Variants in MYO3A observed in about 807,000 individuals in gnomAD.
MYO3A encodes myosin IIIA.
Under a neutral mutation model 192.7 loss-of-function variants are expected in MYO3A, and 180 were observed. The ratio of observed to expected loss-of-function variants is 0.93; its 90% CI spans 0.83 to 1.06. MYO3A has a LOEUF of 1.06. Among genes scored for constraint, MYO3A ranks in the 50% least tolerant of loss-of-function variants. MYO3A has a pLI of 0.00. For missense variants in MYO3A, 1,896 were observed against 1,905.0 expected (o/e 1.00, Z 0.09); for synonymous variants, 628 against 645.3 (o/e 0.97, Z 0.41).
intron 8 of MYO3A, chr10:26,021,930 A>G (rs1476098210): frequency 7.1e-6 from 3 of 420,858 alleles, no homozygotes; most frequent in Non-Finnish European, 1.3e-5. Flanking sequence ...CCCTTTATCC[A>G]TTCCCCAATG....
intron 10 of MYO3A, among the ~76,000 whole-genome samples, chr10:26,037,805 G>C (rs908442655): frequency 6.8e-6 from 1 of 147,360 alleles, no homozygotes; most frequent in Non-Finnish European, 1.5e-5. Context: ...TTCACATGGC[G>C]TCAGGAGTGA....
At chr10:25,963,134 T>G (rs1035311122) in intron 4 of MYO3A, among the ~76,000 whole-genome samples, 5 of 152,202 alleles carry the variant, frequency 3.3e-5, no homozygotes, top group African/African-American at 1.2e-4. Flanking sequence ...GTGACATTGC[T>G]TTTTCTCATT....
chr10:26,188,585 G>C (rs1842973520), intron 31 of MYO3A, among the ~76,000 whole-genome samples: 1 of 152,160 alleles, frequency 6.6e-6, no homozygotes, highest in Non-Finnish European at 1.5e-5. Context: ...GAATGGTATT[G>C]CCTAGGTTTT....
intron 31 of MYO3A, among the ~76,000 whole-genome samples, chr10:26,180,782 T>C (rs1462881541): frequency 1.3e-5 from 2 of 151,476 alleles, no homozygotes. Flanking sequence ...AAAGAAGAGA[T>C]GCATAATGGA....
At chr10:26,037,276 G>A (rs72793942) in intron 10 of MYO3A, among the ~76,000 whole-genome samples, 25,326 of 152,226 alleles carry the variant, frequency 0.17, 2,382 homozygotes, top group Non-Finnish European at 0.21. Context: ...TACTTTGCAT[G>A]TAGTAAGTGC....
intron 20 of MYO3A, among the ~76,000 whole-genome samples, chr10:26,140,192 A>C (rs1589024447): frequency 1.3e-5 from 2 of 152,152 alleles, no homozygotes; most frequent in African/African-American, 4.8e-5. Context: ...AGCCATGTGG[A>C]CGCTTGCAGC....
At chr10:26,140,155 T>C (rs749434125) in intron 20 of MYO3A, among the ~76,000 whole-genome samples, 3 of 152,210 alleles carry the variant, frequency 2.0e-5, no homozygotes, top group Non-Finnish European at 2.9e-5. Context: ...CTGAGAAATC[T>C]GTGCTTAAAT....
chr10:25,945,777 T>C (rs1836795858), intron 2 of MYO3A, among the ~76,000 whole-genome samples: 1 of 152,136 alleles, frequency 6.6e-6, no homozygotes, highest in South Asian at 2.1e-4. Flanking sequence ...ACCATTATCA[T>C]TTTTTGGTTG....
intron 14 of MYO3A, among the ~76,000 whole-genome samples, chr10:26,081,925 C>G (rs1050299341): frequency 1.2e-4 from 19 of 152,302 alleles, no homozygotes; most frequent in Admixed American, 1.1e-3. Flanking sequence ...TGGAGGGTCT[C>G]CCGGGTCCTG....
intron 10 of MYO3A, among the ~76,000 whole-genome samples, chr10:26,035,960 G>A (rs923755482): frequency 1.2e-4 from 18 of 151,792 alleles, no homozygotes; most frequent in African/African-American, 4.3e-4. Context: ...TTGAGATGGA[G>A]TCTCCGGCTG....
chr10:25,965,827 A>G (rs1267387236), intron 4 of MYO3A, among the ~76,000 whole-genome samples: 2 of 151,750 alleles, frequency 1.3e-5, no homozygotes, highest in Non-Finnish European at 2.9e-5. Context: ...CTCTAACAGG[A>G]CAGTACTGAG....
Position 25,954,931 on chromosome 10 carries a change from C to G in MYO3A, c.226C>G (p.Pro76Ala). The G allele has an allele frequency of 6.2e-7, 1 of 1,610,108 alleles. No individual in the cohort carries two copies. The highest frequency in any genetic ancestry group is 8.5e-7 in the Non-Finnish European group (1 of 1,176,702). The change falls in exon 4 of 35, where the codon CCT becomes GCT. Residue 76 changes from proline to alanine, a missense_variant. Transcript: ENST00000642920. ...CATCTTAAAAGCACTTTCTGACCAC[C>G]CTAATGTGGTCAGATTCTATGGGAT... ...YNILKALSDH[P>A]NVVRFYGIYF...
chr10:26,049,355 A>C (rs1197805683), intron 10 of MYO3A, among the ~76,000 whole-genome samples: 1 of 152,166 alleles, frequency 6.6e-6, no homozygotes, highest in African/African-American at 2.4e-5. Context: ...GAGGAAGGAG[A>C]AATAGGGAAT....
intron 4 of MYO3A, among the ~76,000 whole-genome samples, chr10:25,979,340 A>G (rs1839156563): frequency 2.0e-5 from 3 of 152,016 alleles, no homozygotes; most frequent in Admixed American, 6.6e-5. Context: ...TAGTAAGAAA[A>G]TGATTTAATC....
chr10:26,026,709 T>A (rs574992854), intron 10 of MYO3A, among the ~76,000 whole-genome samples, 177 bp downstream of exon 10: 1 of 152,310 alleles, frequency 6.6e-6, no homozygotes, highest in South Asian at 2.1e-4. Context: ...GGCAACACTT[T>A]CTTTTTTTTT....
rs752508220 is a variant in MYO3A at position 26,168,838 on chromosome 10, G to C, written c.3238G>C (p.Glu1080Gln). Residue 1080 changes from glutamate to glutamine, a missense_variant, in exon 28 of 35, where the codon GAG becomes CAG. Physicochemically the swap from Glu to Gln is conservative, Grantham distance 29 (BLOSUM62 2). Coordinates refer to ENST00000642920, the MANE Select transcript of MYO3A (RefSeq NM_017433.5). ...TTCAAGAAGATACCAAAAAATACAG[G>C]AGAAAAGGAAAGAAAGCGCTATAAT... ...LCSRRYQKIQ[E>Q]KRKESAIIIQ... 1 of 1,612,420 alleles carries C rather than the reference G, an allele frequency of 6.2e-7. No individual in the cohort carries two copies. The highest frequency in any genetic ancestry group is 8.5e-7 in the Non-Finnish European group (1 of 1,179,506).
At chr10:26,101,604 T>C (rs950901455) in intron 17 of MYO3A, among the ~76,000 whole-genome samples, 8 of 152,190 alleles carry the variant, frequency 5.3e-5, no homozygotes, top group Non-Finnish European at 1.0e-4. Context: ...GGTGACAAAA[T>C]CTCTCAGCAT....
chr10:26,057,524 G>A (rs1217877246), intron 10 of MYO3A, among the ~76,000 whole-genome samples: 2 of 152,182 alleles, frequency 1.3e-5, no homozygotes, highest in Non-Finnish European at 2.9e-5. Flanking sequence ...TTGAAGAAAA[G>A]GGAAAATAGA....
At chr10:25,996,444 A>G (rs1227650363) in intron 4 of MYO3A, 46 bp from the exon 5 acceptor site, 4 of 1,520,102 alleles carry the variant, frequency 2.6e-6, no homozygotes, top group Admixed American at 3.3e-5. Context: ...AAAGAACATA[A>G]AATGTCACAT....
Sources: gnomAD v4.1 joint callset for allele counts (sites outside exome capture counted in the v4.1 genomes callset) on GRCh38, gnomAD v4.1.1 for gene constraint, MANE v1.5 for transcripts, NCBI Gene and HGNC (gene_info 2026-07-23, HGNC 2026-07-21) for gene names.